RSF1: variants seen among roughly 807,000 people sequenced by gnomAD.
RSF1 encodes the protein remodeling and spacing factor 1, also known as HBV pX-associated protein 8.
Under a neutral mutation model 145.2 loss-of-function variants are expected in RSF1, and 13 were observed. That is an observed-to-expected ratio of 0.09 (90% CI 0.06 to 0.14). RSF1 has a LOEUF of 0.14. RSF1 is among the 10% of genes least tolerant of loss of function. RSF1 has a pLI of 1.00. For missense variants in RSF1, 1,517 were observed against 1,718.2 expected (o/e 0.88, Z 2.07); for synonymous variants, 577 against 592.6 (o/e 0.97, Z 0.38).
At chr11:77,831,266 G>A in the RSF1 span, among the ~76,000 whole-genome samples, 1 of 152,136 alleles carries the variant, frequency 6.6e-6, no homozygotes, top group African/African-American at 2.4e-5. Flanking sequence ...GCAAAGTTGT[G>A]GATCTGCTAT....
intron 11 of RSF1, among the ~76,000 whole-genome samples, chr11:77,679,702 C>A (rs1346113542): frequency 7.9e-5 from 12 of 151,248 alleles, no homozygotes; most frequent in Admixed American, 6.6e-4. Flanking sequence ...GAAAAAGAGT[C>A]CCAATAATAG....
At chr11:77,869,315 T>TC in the RSF1 span, 22 of 157,382 alleles carry the variant, frequency 1.4e-4, no homozygotes, top group South Asian at 3.5e-4. Flanking sequence ...TCTTTTTCTT[T>TC]TTTTTTTTTT....
At chr11:77,828,497 C>A in the RSF1 span, among the ~76,000 whole-genome samples, 1 of 151,838 alleles carries the variant, frequency 6.6e-6, no homozygotes, top group Admixed American at 6.6e-5. Context: ...GAAACCCCAT[C>A]TCTACTAAAA....
chr11:77,820,363 G>C (rs1318866720), intron 1 of RSF1, among the ~76,000 whole-genome samples, 165 bp downstream of exon 1: 2 of 152,242 alleles, frequency 1.3e-5, no homozygotes, highest in Non-Finnish European at 2.9e-5. Context: ...CACTGCCCAA[G>C]ACCCCGGGGG....
chr11:77,707,139 T>C (rs1183506787), intron 5 of RSF1, among the ~76,000 whole-genome samples: 1 of 152,220 alleles, frequency 6.6e-6, no homozygotes, highest in Non-Finnish European at 1.5e-5. Flanking sequence ...TATAATTATT[T>C]ATTTACAAAT....
intron 5 of RSF1, among the ~76,000 whole-genome samples, chr11:77,711,903 T>G (rs1055455084): frequency 3.3e-5 from 5 of 152,156 alleles, no homozygotes; most frequent in Non-Finnish European, 7.3e-5. Flanking sequence ...ACCCTTAGTC[T>G]CCTCCATTCC....
Position 77,667,288 on chromosome 11 carries a change from T to C in RSF1, c.3955A>G (p.Asn1319Asp). The change falls in exon 16 of 16, where the codon AAT becomes GAT. Residue 1319 changes from asparagine (N) to aspartate (D), a missense_variant. Asn to Asp is a conservative substitution (Grantham distance 23). Coordinates refer to ENST00000308488, the MANE Select transcript of RSF1 (RefSeq NM_016578.4). ...ESCDNAHGDANQPARDSQPRV... is the reference protein window; with the variant it reads ...ESCDNAHGDADQPARDSQPRV... The stretch of plus-strand genomic sequence containing the variant: ...GGCTGGCTGTCACGGGCAGGCTGAT[T>C]TGCATCTCCATGAGCATTGTCACAA... 1 of 1,614,192 alleles carries C rather than the reference T, an allele frequency of 6.2e-7. No homozygotes were observed. The highest frequency in any genetic ancestry group is 8.5e-7 in the Non-Finnish European group (1 of 1,180,028).
chr11:77,823,376 T>C (rs985604624), upstream of RSF1, among the ~76,000 whole-genome samples: 3 of 152,034 alleles, frequency 2.0e-5, no homozygotes, highest in African/African-American at 7.2e-5. Flanking sequence ...AACATTTTTA[T>C]AGAATTCCCA....
chr11:77,662,812 T>C lies in RSF1; in HGVS notation c.*4105A>G, dbSNP rs964117759. 2.6e-5 allele frequency: 4 copies of C among 152,184 alleles called. No homozygotes were observed. Among genetic ancestry groups the C allele is most frequent in the African/African-American group, 9.6e-5 (4 of 41,466 alleles). 9.4% of individuals were successfully genotyped at this position (152,184 alleles called of 1,614,324 possible). On this transcript the variant is annotated 3_prime_UTR_variant, in exon 16 of 16. Transcript: ENST00000308488. ...AGGGCTAGGTAGATTACAGCAGATA[T>C]GCAGCCTTGGCATTCTCTGCTTCTT...
At chr11:77,838,302 C>G in the RSF1 span, among the ~76,000 whole-genome samples, 2 of 152,144 alleles carry the variant, frequency 1.3e-5, no homozygotes, top group African/African-American at 4.8e-5. Flanking sequence ...TTGCTGTGAA[C>G]ATACCTTGTA....
At chr11:77,689,464 CTT>C (rs1216493497) in intron 9 of RSF1, among the ~76,000 whole-genome samples, 1 of 152,180 alleles carries the variant, frequency 6.6e-6, no homozygotes, top group Non-Finnish European at 1.5e-5. Flanking sequence ...TGTTTGTGCT[CTT>C]TGTCTGAAAT....
rs369314766 is a variant in RSF1 at position 77,748,667 on chromosome 11, A to AT, written c.280-1540dup. On this transcript the variant is annotated intron_variant, in intron 2 of 15. Coordinates refer to ENST00000308488, the MANE Select transcript of RSF1 (RefSeq NM_016578.4). ...ACCACAATGAGAAAGATAATAATAA[A>AT]TGTTGGTTGACGATACGGAAAAATT... Among the ~76,000 whole-genome samples, 288 of 152,318 alleles carry AT rather than the reference A, an allele frequency of 1.9e-3. 4 individuals are homozygous for AT. Among genetic ancestry groups the AT allele is most frequent in the African/African-American group, 6.7e-3 (280 of 41,562 alleles).
the RSF1 span, among the ~76,000 whole-genome samples, chr11:77,832,874 T>A: frequency 6.6e-6 from 1 of 151,534 alleles, no homozygotes; most frequent in Non-Finnish European, 1.5e-5. Flanking sequence ...AGACAGTTTT[T>A]CCACAGACCA....
intron 2 of RSF1, among the ~76,000 whole-genome samples, chr11:77,754,251 TACAG>T (rs1264760630): frequency 6.6e-6 from 1 of 152,144 alleles, no homozygotes; most frequent in Non-Finnish European, 1.5e-5. Flanking sequence ...AGTAATGTGA[TACAG>T]AAAGTTTAAG....
chr11:77,841,554 T>C, the RSF1 span, among the ~76,000 whole-genome samples: 2 of 152,230 alleles, frequency 1.3e-5, no homozygotes, highest in African/African-American at 4.8e-5. Context: ...AGCTGTTGTA[T>C]GTCTTCACTG....
Position 77,702,043 on chromosome 11 carries a change from C to G in RSF1, c.1186G>C (p.Asp396His), listed in dbSNP as rs1255394658. The G allele has an allele frequency of 1.9e-6, 3 of 1,613,418 alleles. No homozygotes were observed. Among genetic ancestry groups the G allele is most frequent in the Non-Finnish European group, 2.5e-6 (3 of 1,179,876 alleles). The part of the protein sequence containing the change: ...KREIKLSDDF[D>H]SPVKGPLCKS... ...CACAAAGGTCCCTTGACTGGACTGT[C>G]AAAATCATCACTCAGTTTAATTTCT... is the stretch of plus-strand genomic sequence containing the variant. Residue 396 changes from aspartate (D) to histidine (H), a missense_variant, in exon 6 of 16, where the codon GAC (aspartate) becomes CAC (histidine). By Grantham distance (81) the Asp-to-His change is moderately conservative. Transcript: ENST00000308488.
intron 2 of RSF1, among the ~76,000 whole-genome samples, chr11:77,747,822 T>C (rs1264381033): frequency 6.6e-6 from 1 of 152,196 alleles, no homozygotes; most frequent in Non-Finnish European, 1.5e-5. Context: ...CACAGTGAAA[T>C]GCAAATGGGT....
chr11:77,672,225 C>A lies in RSF1; in HGVS notation c.3568G>T (p.Asp1190Tyr). 6.3e-7 allele frequency: 1 copy of A among 1,585,614 alleles called. No homozygotes were observed. Among genetic ancestry groups the A allele is most frequent in the South Asian group, 1.2e-5 (1 of 84,914 alleles). The change falls in exon 15 of 16, where the codon GAC becomes TAC. Residue 1190 changes from aspartate (D) to tyrosine (Y), a missense_variant. Physicochemically the swap from Asp to Tyr is radical, Grantham distance 160 (BLOSUM62 -3). Coordinates refer to ENST00000308488, the MANE Select transcript of RSF1 (RefSeq NM_016578.4). ...SEENSRDSES[D>Y]FSDDFSDDFV... ...TCATCACTAAAATCATCACTGAAGT[C>A]ACTTTCTATTTTAAAAAAAGGAAGA... is the stretch of plus-strand genomic sequence containing the variant.
intron 8 of RSF1, among the ~76,000 whole-genome samples, chr11:77,692,231 A>T: frequency 3.3e-5 from 2 of 61,488 alleles, no homozygotes; most frequent in Non-Finnish European, 5.8e-5. Context: ...TACTACTTTT[A>T]AATTTTTTTT....
Sources: gnomAD v4.1 joint callset for allele counts (sites outside exome capture counted in the v4.1 genomes callset) on GRCh38, gnomAD v4.1.1 for gene constraint, MANE v1.5 for transcripts, NCBI Gene and HGNC (gene_info 2026-07-23, HGNC 2026-07-21) for gene names.